The following MS4A6A variants were observed in gnomAD, a reference collection of about 807,000 sequenced individuals.
MS4A6A encodes the protein membrane-spanning 4-domains subfamily A member 6A.
Under a neutral mutation model 20.6 loss-of-function variants are expected in MS4A6A, and 19 were observed. The observed-to-expected ratio is 0.92, with a 90% CI of 0.64 to 1.36. The LOEUF is 1.36. MS4A6A is among the 40% of genes most tolerant of loss of function. The pLI, the probability that MS4A6A is intolerant of heterozygous loss-of-function variation, is 0.00. For missense variants in MS4A6A, 272 were observed against 261.1 expected, an observed-to-expected ratio of 1.04 and a Z score of -0.29; for synonymous variants, 108 against 105.0, an observed-to-expected ratio of 1.03 and a Z score of -0.17.
At chr11:60,178,401 T>G (rs2134788484) in intron 3 of MS4A6A, 85 bp from the exon 4 acceptor site, 1 of 1,101,488 alleles carries the variant, frequency 9.1e-7, no homozygotes, top group South Asian at 1.4e-5. Context: ...TAGACAACTC[T>G]CATGGGAAAA....
Position 60,178,397 on chromosome 11 carries a change from ACTCTCATGGGAAAATCC to A in MS4A6A, c.283-98_283-82del. The A allele has an allele frequency of 3.5e-6, 4 of 1,128,918 alleles. No homozygotes were observed. In the South Asian group the frequency reaches 5.3e-5, roughly 15 times the overall value. 69.9% of individuals were successfully genotyped at this position (1,128,918 alleles called of 1,614,324 possible). ...GTCACTATCACAATGTTTATAGACA[ACTCTCATGGGAAAATCC>A]CTGAGAAACCAGTGATCAATGAGGT... On this transcript the variant is annotated intron_variant, in intron 3 of 5. Coordinates refer to ENST00000528851, the MANE Select transcript of MS4A6A (RefSeq NM_022349.4).
upstream of MS4A6A, chr11:60,183,247 G>A (rs760902555): frequency 1.9e-4 from 276 of 1,445,896 alleles, no homozygotes; most frequent in Non-Finnish European, 2.3e-5. Flanking sequence ...AGGAGTCATG[G>A]AGCCTTATGT....
intron 2 of MS4A6A, 44 bp downstream of exon 2, chr11:60,181,537 C>T: frequency 6.2e-7 from 1 of 1,608,346 alleles, no homozygotes; most frequent in Non-Finnish European, 8.5e-7. Flanking sequence ...CATCTCTTGG[C>T]ACTTCCCCCA....
upstream of MS4A6A, chr11:60,184,304 C>T (rs924431907): frequency 2.6e-5 from 4 of 152,258 alleles, no homozygotes; most frequent in African/African-American, 7.2e-5. Flanking sequence ...GCAGAATCAC[C>T]TCCAACCTTG....
In MS4A6A at chr11:60,178,334, A is replaced by G; in HGVS notation, c.283-18T>C. 6.2e-7 allele frequency: 1 copy of G among 1,611,516 alleles called. No homozygotes were observed. The highest frequency in any genetic ancestry group is 2.2e-5 in the East Asian group (1 of 44,834). On this transcript the variant is annotated intron_variant, in intron 3 of 5. Transcript: ENST00000528851. ...ATGATAAACTAAGATAAAAGAGAAA[A>G]TGGTCAGGTCAGATTCCATGTACAG...
chr11:60,173,321 G>T (rs1374654297), intron 5 of MS4A6A, among the ~76,000 whole-genome samples, 192 bp from the exon 6 acceptor site: 1 of 152,128 alleles, frequency 6.6e-6, no homozygotes, highest in Non-Finnish European at 1.5e-5. Flanking sequence ...TCATTTCCTT[G>T]AGAGGAGAAA....
At chr11:60,175,284 C>T (rs662196) in intron 5 of MS4A6A, 118 bp downstream of exon 5, 440,149 of 772,342 alleles carry the variant, frequency 0.57, 127,461 homozygotes, top group Admixed American at 0.68. Context: ...ATAAACCTGG[C>T]TTTCCCCCAG....
intron 5 of MS4A6A, among the ~76,000 whole-genome samples, chr11:60,173,772 A>G (rs1856700645): frequency 6.6e-6 from 1 of 152,046 alleles, no homozygotes; most frequent in African/African-American, 2.4e-5. Context: ...TTAGAAAAAA[A>G]CAGTGAAGGT....
upstream of MS4A6A, chr11:60,184,662 G>T (rs757521753): frequency 6.6e-6 from 1 of 152,224 alleles, no homozygotes; most frequent in Non-Finnish European, 1.5e-5. Context: ...AGAACCCTTC[G>T]GAATGATGGC....
chr11:60,180,878 A>G, intron 2 of MS4A6A: 1 of 350,706 alleles, frequency 2.9e-6, no homozygotes, highest in Non-Finnish European at 5.5e-6. Flanking sequence ...TCTAGACCTT[A>G]TGTCACATGA....
At chr11:60,178,360 A>G in intron 3 of MS4A6A, 44 bp from the exon 4 acceptor site, 1 of 1,517,714 alleles carries the variant, frequency 6.6e-7, no homozygotes, top group African/African-American at 1.4e-5. Flanking sequence ...CCATGTACAG[A>G]GTACCTTCGA....
rs1307148191 is a variant in MS4A6A, at chr11:60,178,320, A to G, written c.283-4T>C. On this transcript the variant is annotated splice_polypyrimidine_tract_variant and splice_region_variant and intron_variant, in intron 3 of 5. Transcript: ENST00000528851. ...ATAGAGAGCCAGAGATGATAAACTAAGATAAAAGAGAAAATGGTCAGGTCA... is the reference window on the plus strand; with the variant it reads ...ATAGAGAGCCAGAGATGATAAACTAGGATAAAAGAGAAAATGGTCAGGTCA... 8.7e-6 allele frequency: 14 copies of G among 1,613,282 alleles called. No homozygotes were observed. The East Asian group carries it at 3.1e-4, about 36-fold the overall frequency.
At chr11:60,171,618 A>C (rs1856597611), downstream of MS4A6A, among the ~76,000 whole-genome samples, 4 of 152,204 alleles carry the variant, frequency 2.6e-5, no homozygotes, top group Admixed American at 2.6e-4. Flanking sequence ...GCACTCAAAA[A>C]TTTTATTTTG....
intron 4 of MS4A6A, 132 bp from the exon 5 acceptor site, chr11:60,175,743 A>C: frequency 2.2e-6 from 2 of 901,692 alleles, no homozygotes; most frequent in Non-Finnish European, 3.3e-6. Flanking sequence ...TTATTGCTGT[A>C]TGCCTCTCCA....
rs549670217 is a variant in MS4A6A at position 60,179,830 on chromosome 11, C to CA, written c.282dup (p.Ile96TyrfsTer21). 8 of 1,613,754 alleles carry CA rather than the reference C, an allele frequency of 5.0e-6. No individual in the cohort carries two copies. The highest frequency in any genetic ancestry group is 1.3e-5 in the African/African-American group (1 of 74,834). ...CTGCCCTCCTCAGAAACTCTACTCA[C>CA]AAAAAAGGGTCCTATGAATGGGTAA... On this transcript the variant is annotated frameshift_variant and splice_region_variant. Transcript: ENST00000528851. LOFTEE classifies it high-confidence loss of function.
intron 5 of MS4A6A, among the ~76,000 whole-genome samples, chr11:60,175,102 A>G (rs1856767131): frequency 6.6e-6 from 1 of 151,794 alleles, no homozygotes; most frequent in Admixed American, 6.6e-5. Flanking sequence ...CAAGATTCTC[A>G]TTTTGATAAA....
At chr11:60,182,386 C>G (rs1260013861) in intron 1 of MS4A6A, 2 of 152,300 alleles carry the variant, frequency 1.3e-5, no homozygotes, top group Non-Finnish European at 2.9e-5. Flanking sequence ...ATTGTTCACC[C>G]TGGTTCACAC....
downstream of MS4A6A, chr11:60,172,196 T>C (rs757036088): frequency 1.2e-6 from 2 of 1,613,438 alleles, no homozygotes; most frequent in Non-Finnish European, 1.7e-6. Context: ...CAGTCATGAG[T>C]CATTTTTGAG....
chr11:60,181,611 T>G lies in MS4A6A; in HGVS notation c.117A>C (p.Lys39Asn). The change falls in exon 2 of 6, where the codon AAA (lysine) becomes AAC (asparagine). Residue 39 changes from lysine to asparagine, a missense_variant. Transcript: ENST00000528851. Reference sequence around the variant, plus strand: ...TAACTTTGATTTCTGCGTGTAGATGTTTCTTCAGGCTATCCTGCCCCTGGT... The same window carrying G: ...TAACTTTGATTTCTGCGTGTAGATGGTTCTTCAGGCTATCCTGCCCCTGGT... ...PTNQGQDSLK[K>N]HLHAEIKVIG... 1 of 1,614,128 alleles carries G rather than the reference T, an allele frequency of 6.2e-7. No homozygotes were observed. Among genetic ancestry groups the G allele is most frequent in the East Asian group, 2.2e-5 (1 of 44,880 alleles).
Sources: gnomAD v4.1 joint callset for allele counts (sites outside exome capture counted in the v4.1 genomes callset) on GRCh38, gnomAD v4.1.1 for gene constraint, MANE v1.5 for transcripts, NCBI Gene and HGNC (gene_info 2026-07-23, HGNC 2026-07-21) for gene names.